CACNA1I: variants seen among roughly 807,000 people sequenced by gnomAD.
The protein encoded by CACNA1I is calcium voltage-gated channel subunit alpha1 I.
In CACNA1I, 74 loss-of-function variants were observed where a neutral mutation model predicts 201.6. The ratio of observed to expected loss-of-function variants is 0.37; its 90% CI spans 0.30 to 0.45. CACNA1I has a LOEUF of 0.45. Among genes scored for constraint, CACNA1I ranks in the 20% least tolerant of loss-of-function variants. The pLI is 1.00. For synonymous variants in CACNA1I, 1,431 were observed against 1,345.2 expected (o/e 1.06, Z -1.40); for missense variants, 2,346 against 3,138.1 (o/e 0.75, Z 6.03).
chr22:39,613,114 G>C (rs952258514), intron 3 of CACNA1I, among the ~76,000 whole-genome samples: 5 of 152,228 alleles, frequency 3.3e-5, no homozygotes, highest in Non-Finnish European at 7.3e-5. Context: ...TCTCCTGGGC[G>C]GGGTATTTCC....
At chr22:39,632,733 T>C (rs1204443382) in intron 4 of CACNA1I, among the ~76,000 whole-genome samples, 1 of 152,212 alleles carries the variant, frequency 6.6e-6, no homozygotes, top group Admixed American at 6.5e-5. Context: ...GAATGAACGA[T>C]GGGGCACCAG....
intron 35 of CACNA1I, among the ~76,000 whole-genome samples, chr22:39,683,119 A>G (rs1267736047): frequency 6.6e-6 from 1 of 152,144 alleles, no homozygotes; most frequent in Non-Finnish European, 1.5e-5. Flanking sequence ...TGAATTCCTG[A>G]TACTTATCCT....
At position 39,664,186 on chromosome 22, in the gene CACNA1I, CT is replaced by C. The variant is rs746702604; in HGVS notation, c.3666+28del. On this transcript the variant is annotated intron_variant, in intron 20 of 36. Coordinates refer to ENST00000402142, the MANE Select transcript of CACNA1I (RefSeq NM_021096.4). ...TAGCTCCCGGTTTCACCCGGGACCC[CT>C]GCTAGCCCCAGCTCGGGCCCCTGGC... 3.1e-6 allele frequency: 5 copies of C among 1,595,816 alleles called. No individual in the cohort carries two copies. The East Asian group carries it at 1.1e-4, about 36-fold the overall frequency.
At chr22:39,654,903 A>G (rs1934766034) in intron 10 of CACNA1I, among the ~76,000 whole-genome samples, 1 of 152,126 alleles carries the variant, frequency 6.6e-6, no homozygotes, top group African/African-American at 2.4e-5. Flanking sequence ...AGCTGGTTTT[A>G]TCCTTAGGGC....
chr22:39,625,847 C>A (rs1331126894), intron 4 of CACNA1I, among the ~76,000 whole-genome samples: 1 of 152,096 alleles, frequency 6.6e-6, no homozygotes, highest in African/African-American at 2.4e-5. Flanking sequence ...CCCACCCCAC[C>A]CCCAGCCTGT....
At chr22:39,651,969 C>T (rs557904942) in intron 10 of CACNA1I, among the ~76,000 whole-genome samples, 1 of 152,106 alleles carries the variant, frequency 6.6e-6, no homozygotes, top group African/African-American at 2.4e-5. Flanking sequence ...CAAGCCTCCT[C>T]AGGATCTGCC....
rs1467195097 is a variant in CACNA1I at position 39,659,727 on chromosome 22, C to T, written c.2479C>T (p.Leu827Phe). The T allele has an allele frequency of 6.2e-7, 1 of 1,613,838 alleles. No individual in the cohort carries two copies. Among genetic ancestry groups the T allele is most frequent in the African/African-American group, 1.3e-5 (1 of 74,930 alleles). ...ILTQEDWNVV[L>F]YNGMASTSPW... ...CACCCAGGAGGACTGGAACGTCGTT[C>T]TCTACAATGGCATGGCCTCCACTTC... Residue 827 changes from leucine (L) to phenylalanine (F), a missense_variant, in exon 14 of 37, where the codon CTC becomes TTC. By Grantham distance (22) the Leu-to-Phe change is conservative (BLOSUM62 0). This residue lies in a region of CACNA1I where 155 missense variants were observed against 300.8 expected (regional missense o/e 0.52). Coordinates refer to ENST00000402142, the MANE Select transcript of CACNA1I (RefSeq NM_021096.4). The surrounding 1 kb of genome is among the most constrained non-coding windows in gnomAD (Gnocchi z 4.3).
At chr22:39,670,975 C>T (rs1184774625) in intron 26 of CACNA1I, 21 bp downstream of exon 26, 1 of 1,612,624 alleles carries the variant, frequency 6.2e-7, no homozygotes, top group East Asian at 2.2e-5. Flanking sequence ...GTCTGCCTCC[C>T]AGCCCAAGGT....
chr22:39,672,883 A>T (rs769424802), intron 27 of CACNA1I, 66 bp from the exon 28 acceptor site: 50 of 1,525,514 alleles, frequency 3.3e-5, no homozygotes, highest in Non-Finnish European at 4.2e-5. Flanking sequence ...CCCCCCACTA[A>T]GGTGTGTCTG....
rs1348488504 is a variant in CACNA1I, at chr22:39,661,974, C to T, written c.2911C>T (p.Arg971Trp). The T allele has an allele frequency of 8.5e-6, 13 of 1,537,178 alleles. No homozygotes were observed. The highest frequency in any genetic ancestry group is 1.1e-5 in the Non-Finnish European group (13 of 1,147,070). ...SYDQRSLSSS[R>W]SSYYGPWGRS... ...CGGGAACTCCTTCCAGTCCAGCTCC[C>T]GGAGCTCCTACTACGGGCCATGGGG... Residue 971 changes from arginine (R) to tryptophan (W), a missense_variant, in exon 17 of 37, where the codon CGG becomes TGG. Arg to Trp is a moderately radical substitution (Grantham distance 101, BLOSUM62 -3). Transcript: ENST00000402142.
rs549070108 is a variant in CACNA1I at position 39,626,718 on chromosome 22, T to C, written c.580+7311T>C. ...TTCAAGCGATTCTCCTGCCTCAGCC[T>C]CCTGAGTAGCTGGGACTACAGGCGT... On this transcript the variant is annotated intron_variant, in intron 4 of 36. Transcript: ENST00000402142. Among the ~76,000 whole-genome samples, 7 of 152,258 alleles carry C rather than the reference T, an allele frequency of 4.6e-5. No individual in the cohort carries two copies. The East Asian group carries it at 1.2e-3, about 25-fold the overall frequency.
intron 1 of CACNA1I, among the ~76,000 whole-genome samples, chr22:39,581,281 G>A (rs1479555895): frequency 1.3e-5 from 2 of 152,184 alleles, no homozygotes; most frequent in Non-Finnish European, 2.9e-5. Context: ...CCTGATCAAG[G>A]GCTCAGAGCT....
At chr22:39,619,476 C>A in intron 4 of CACNA1I, 69 bp downstream of exon 4, 1 of 1,194,628 alleles carries the variant, frequency 8.4e-7, no homozygotes, top group Non-Finnish European at 1.2e-6. Context: ...CCCTGGCCTA[C>A]CTAGCCAATG....
In CACNA1I at chr22:39,677,297, C is replaced by A; in HGVS notation, c.4855-44C>A. The A allele has an allele frequency of 1.4e-6, 2 of 1,395,440 alleles. No homozygotes were observed. The highest frequency in any genetic ancestry group is 2.0e-6 in the Non-Finnish European group (2 of 1,014,736). 86.4% of individuals were successfully genotyped at this position (1,395,440 alleles called of 1,614,324 possible). A position where few individuals can be genotyped will look rare whatever the true frequency, so the allele number is the denominator to read the frequency against. On this transcript the variant is annotated intron_variant, in intron 29 of 36. Coordinates refer to ENST00000402142, the MANE Select transcript of CACNA1I (RefSeq NM_021096.4). The surrounding 1 kb of genome is among the most constrained non-coding windows in gnomAD (Gnocchi z 4.8). ...ACCCTTCCCAGGCCTGGTGCGCCCC[C>A]ACCCGCTCCCCAGCCCCACCCGGCC...
chr22:39,624,770 G>A (rs1165689847), intron 4 of CACNA1I, among the ~76,000 whole-genome samples: 2 of 152,208 alleles, frequency 1.3e-5, no homozygotes, highest in Non-Finnish European at 2.9e-5. Flanking sequence ...GGGAAGGGGT[G>A]GCTCAGGCTC....
At chr22:39,634,458 T>A in intron 4 of CACNA1I, 107 bp from the exon 5 acceptor site, 1 of 1,058,434 alleles carries the variant, frequency 9.4e-7, no homozygotes, top group Non-Finnish European at 1.5e-6. Flanking sequence ...GAGCCCCTGA[T>A]AATGCATCCC....
rs774302971 is a variant in CACNA1I, at chr22:39,659,045, G to A, written c.2259G>A (p.Val753=). The A allele has an allele frequency of 6.2e-6, 10 of 1,613,256 alleles. No individual in the cohort carries two copies. In the South Asian group the frequency reaches 1.1e-4, roughly 18 times the overall value. The change falls in exon 12 of 37, where the codon GTG becomes GTA. Residue 753 remains valine (V), a synonymous_variant. Coordinates refer to ENST00000402142, the MANE Select transcript of CACNA1I (RefSeq NM_021096.4). The surrounding 1 kb of genome is among the most constrained non-coding windows in gnomAD (Gnocchi z 4.3). The stretch of plus-strand genomic sequence containing the variant: ...TGCCTGCCCTGCGGCGCCAGCTCGT[G>A]GTGCTCATGAAGACCATGGACAACG... The part of the protein sequence containing the change: ...RFMPALRRQL[V]VLMKTMDNVA...
intron 10 of CACNA1I, among the ~76,000 whole-genome samples, chr22:39,651,282 TG>T (rs1934641101): frequency 6.6e-6 from 1 of 152,186 alleles, no homozygotes; most frequent in Non-Finnish European, 1.5e-5. Flanking sequence ...CCTCCTTCTG[TG>T]GAGGCCCTGC....
Position 39,686,121 on chromosome 22 carries a change from C to T in CACNA1I, c.6388C>T (p.Leu2130Phe). The part of the protein sequence containing the change: ...GSEHSETLSS[L>F]SLTSLFCPPP... ...CGAGCACTCGGAGACCCTCAGCAGC[C>T]TCTCGCTCACCTCCCTCTTCTGCCC... Residue 2130 changes from leucine (L) to phenylalanine (F), a missense_variant, in exon 37 of 37, where the codon CTC becomes TTC. This residue lies in a region of CACNA1I where 187 missense variants were observed against 151.0 expected (regional missense o/e 1.24). Coordinates refer to ENST00000402142, the MANE Select transcript of CACNA1I (RefSeq NM_021096.4). The T allele has an allele frequency of 7.9e-7, 1 of 1,265,654 alleles. No individual in the cohort carries two copies. Among genetic ancestry groups the T allele is most frequent in the Non-Finnish European group, 9.9e-7 (1 of 1,008,994 alleles). 78.4% of individuals were successfully genotyped at this position (1,265,654 alleles called of 1,614,324 possible).
Sources: gnomAD v4.1 joint callset for allele counts (sites outside exome capture counted in the v4.1 genomes callset) on GRCh38, gnomAD v4.1.1 for gene constraint, gnomAD v4.1.1 regional missense constraint, Gnocchi (gnomAD v3.1) non-coding constraint, MANE v1.5 for transcripts, NCBI Gene and HGNC (gene_info 2026-07-23, HGNC 2026-07-21) for gene names.